Variants in STON1 observed in about 807,000 individuals in gnomAD.
STON1 encodes stonin-1.
STON1 carries 79 observed loss-of-function variants against 60.9 expected under a neutral mutation model. That is an observed-to-expected ratio of 1.30 (90% CI 1.08 to 1.56). The LOEUF (loss-of-function observed/expected upper bound fraction) is 1.56. STON1 is among the 40% of genes most tolerant of loss of function. The probability of loss-of-function intolerance (pLI) is 0.00; values close to 1 mark genes in which losing one functional copy is unlikely to be tolerated. For missense variants in STON1, 1,166 were observed against 858.9 expected, an observed-to-expected ratio of 1.36 and a Z score of -4.47; for synonymous variants, 363 against 306.9, an observed-to-expected ratio of 1.18 and a Z score of -1.91.
intron 2 of STON1, among the ~76,000 whole-genome samples, chr2:48,586,314 G>A (rs1485984081): frequency 6.6e-6 from 1 of 152,146 alleles, no homozygotes; most frequent in African/African-American, 2.4e-5. Flanking sequence ...TCTAGGTATA[G>A]GTTCTGTGCT....
At position 48,581,463 on chromosome 2, in the gene STON1, C is replaced by G. The variant is rs1262945647; in HGVS notation, c.830C>G (p.Ser277Cys). ...AGGAGTCAGCCAAAATCCGGATGGT[C>G]TTTCATGCTGAGAATTCCTGAGAAG... Reference protein sequence around the residue: ...LFRSQPKSGWSFMLRIPEKKN... With the variant: ...LFRSQPKSGWCFMLRIPEKKN... Residue 277 changes from serine (S) to cysteine (C), a missense_variant, in exon 2 of 4, where the codon TCT (serine) becomes TGT (cysteine). Physicochemically the swap from Ser to Cys is moderately radical, Grantham distance 112. Coordinates refer to ENST00000404752, the MANE Select transcript of STON1 (RefSeq NM_006873.4). 6.2e-7 allele frequency: 1 copy of G among 1,614,100 alleles called. No individual in the cohort carries two copies. The highest frequency in any genetic ancestry group is 1.3e-5 in the African/African-American group (1 of 74,956).
At chr2:48,549,717 CAGG>C (rs1672011829) in intron 1 of STON1, among the ~76,000 whole-genome samples, 1 of 145,646 alleles carries the variant, frequency 6.9e-6, no homozygotes, top group Admixed American at 7.2e-5. Flanking sequence ...GAAGCTGAGG[CAGG>C]AGAATGGCTT....
At chr2:48,552,832 A>T (rs2103794239) in intron 1 of STON1, among the ~76,000 whole-genome samples, 1 of 152,284 alleles carries the variant, frequency 6.6e-6, no homozygotes, top group East Asian at 1.9e-4. Context: ...AAAAGGGTAG[A>T]TTTTATGTAT....
chr2:48,550,285 G>T (rs1558582868), intron 1 of STON1, among the ~76,000 whole-genome samples: 1 of 152,018 alleles, frequency 6.6e-6, no homozygotes, highest in Non-Finnish European at 1.5e-5. Flanking sequence ...ATCACCTGAG[G>T]TCAGGAGTTT....
intron 1 of STON1, among the ~76,000 whole-genome samples, chr2:48,537,113 A>G (rs900000962): frequency 1.3e-5 from 2 of 152,290 alleles, no homozygotes; most frequent in African/African-American, 2.4e-5. Flanking sequence ...TTTTCTTACC[A>G]TACTGCATTG....
Position 48,581,683 on chromosome 2 carries a change from A to C in STON1, c.1050A>C (p.Glu350Asp). 6.2e-7 allele frequency: 1 copy of C among 1,613,324 alleles called. No individual in the cohort carries two copies. Among genetic ancestry groups the C allele is most frequent in the African/African-American group, 1.3e-5 (1 of 74,928 alleles). Residue 350 changes from glutamate to aspartate, a missense_variant, in exon 2 of 4, where the codon GAA becomes GAC. By Grantham distance (45) the Glu-to-Asp change is conservative. Transcript: ENST00000404752. ...VAGKIHTVKI[E>D]HVSYTEKRKY... Reference sequence around the variant, plus strand: ...GAAAAATCCACACTGTGAAGATTGAACATGTGTCTTACACAGAAAAAAGGA... The same window carrying C: ...GAAAAATCCACACTGTGAAGATTGACCATGTGTCTTACACAGAAAAAAGGA...
At chr2:48,594,701 G>A (rs965799449) in intron 3 of STON1, among the ~76,000 whole-genome samples, 1 of 152,152 alleles carries the variant, frequency 6.6e-6, no homozygotes, top group Non-Finnish European at 1.5e-5. Context: ...TGACATTTGA[G>A]CTGAGACAAA....
intron 1 of STON1, among the ~76,000 whole-genome samples, chr2:48,534,012 G>A (rs1312021573): frequency 3.3e-5 from 5 of 151,998 alleles, no homozygotes; most frequent in African/African-American, 9.7e-5. Flanking sequence ...CAGGTGATCC[G>A]CCAGCCTCAG....
chr2:48,551,790 C>G (rs1437911699), intron 1 of STON1, among the ~76,000 whole-genome samples: 1 of 152,358 alleles, frequency 6.6e-6, no homozygotes, highest in African/African-American at 2.4e-5. Flanking sequence ...GGCCCTCAGC[C>G]TATGCCAGGG....
intron 1 of STON1, among the ~76,000 whole-genome samples, chr2:48,544,718 G>T (rs1011238419): frequency 6.6e-6 from 1 of 151,024 alleles, no homozygotes; most frequent in African/African-American, 2.4e-5. Flanking sequence ...GCTAGTTTTT[G>T]TATTTTTCGT....
At chr2:48,590,572 G>A (rs1674451083) in intron 2 of STON1, among the ~76,000 whole-genome samples, 2 of 150,888 alleles carry the variant, frequency 1.3e-5, no homozygotes, top group South Asian at 4.2e-4. Context: ...CAATGCAACA[G>A]AATCATGGAA....
intron 3 of STON1, 67 bp from the exon 4 acceptor site, chr2:48,595,161 G>T: frequency 8.2e-7 from 1 of 1,226,386 alleles, no homozygotes. Context: ...TATAAAATAG[G>T]ACTGAAGAGG....
At chr2:48,593,059 T>C (rs1674614802) in intron 3 of STON1, among the ~76,000 whole-genome samples, 1 of 152,232 alleles carries the variant, frequency 6.6e-6, no homozygotes, top group Non-Finnish European at 1.5e-5. Context: ...GGATGTCTCC[T>C]GCCACATATT....
chr2:48,566,446 C>G (rs1558609592), intron 1 of STON1, among the ~76,000 whole-genome samples: 2 of 151,292 alleles, frequency 1.3e-5, no homozygotes, highest in East Asian at 3.9e-4. Flanking sequence ...CCATGCCCGG[C>G]TAATTTTTGT....
intron 1 of STON1, among the ~76,000 whole-genome samples, chr2:48,564,502 T>TTCTTCTTCTTCC (rs1672806133): frequency 4.4e-5 from 1 of 22,878 alleles, no homozygotes; most frequent in African/African-American, 2.0e-4. Context: ...CTTCTTCTTC[T>TTCTTCTTCTTCC]TCTTCTTCTT....
At chr2:48,594,048 C>T (rs1674669923) in intron 3 of STON1, among the ~76,000 whole-genome samples, 1 of 152,134 alleles carries the variant, frequency 6.6e-6, no homozygotes, top group East Asian at 1.9e-4. Flanking sequence ...CTTCAGCTCT[C>T]CAGGGCATGG....
At chr2:48,588,801 C>T (rs571283968) in intron 2 of STON1, among the ~76,000 whole-genome samples, 1 of 152,104 alleles carries the variant, frequency 6.6e-6, no homozygotes, top group Non-Finnish European at 1.5e-5. Flanking sequence ...GGCTGCTGGT[C>T]CCTTAATGTC....
intron 1 of STON1, among the ~76,000 whole-genome samples, chr2:48,565,409 A>T (rs1312109844): frequency 6.6e-6 from 1 of 151,760 alleles, no homozygotes; most frequent in Non-Finnish European, 1.5e-5. Context: ...TCATGACCTC[A>T]TTACCTTCTA....
rs186414766 is a variant in STON1, at chr2:48,532,524, G to T, written c.-48+2308G>T. Among the ~76,000 whole-genome samples the T allele has an allele frequency of 1.5e-3, 228 of 151,520 alleles. 2 individuals carry two copies. The highest frequency in any genetic ancestry group is 5.2e-3 in the African/African-American group (216 of 41,288). On this transcript the variant is annotated intron_variant, in intron 1 of 3. Coordinates refer to ENST00000404752, the MANE Select transcript of STON1 (RefSeq NM_006873.4). ...TTAGAAAAACAATGTACTGTGCTCAGATAAAAATCTTCAGTCTCTTCCTCT... is the reference window on the plus strand; with the variant it reads ...TTAGAAAAACAATGTACTGTGCTCATATAAAAATCTTCAGTCTCTTCCTCT...
Sources: allele counts gnomAD v4.1 joint callset (sites outside exome capture counted in the v4.1 genomes callset), GRCh38; gene constraint gnomAD v4.1.1; transcripts MANE v1.5; gene names NCBI Gene and HGNC (gene_info 2026-07-23, HGNC 2026-07-21).